Variants in ARL15 observed in about 807,000 individuals in gnomAD.
ARL15 encodes the protein ARF like GTPase 15.
A neutral mutation model predicts 25.2 loss-of-function variants in ARL15; 19 were observed. That is an observed-to-expected ratio of 0.75 (90% confidence interval 0.53 to 1.10). ARL15 has a LOEUF of 1.10. ARL15 is among the 50% of genes least tolerant of loss of function. ARL15 has a pLI of 0.00. For missense variants in ARL15, 220 were observed against 246.0 expected (o/e 0.89, Z 0.71); for synonymous variants, 94 against 86.8 (o/e 1.08, Z -0.46).
At position 54,153,268 on chromosome 5, in the gene ARL15, T is replaced by A. The variant is rs31126; in HGVS notation, c.253+1312A>T. 2.6e-5 allele frequency among the ~76,000 whole-genome samples: 4 copies of A among 152,280 alleles called. No individual in the cohort carries two copies. The East Asian group carries it at 7.7e-4, about 29-fold the overall frequency. On this transcript the variant is annotated intron_variant, in intron 3 of 4. Transcript: ENST00000504924. The stretch of plus-strand genomic sequence containing the variant: ...CTGGAAATTTTAAATAGGAGAAAGA[T>A]TATTTTGTTTCATTTGAATGTTCTG...
intron 4 of ARL15, chr5:53,887,517 C>A: frequency 1.7e-6 from 1 of 595,008 alleles, no homozygotes; most frequent in Non-Finnish European, 3.0e-6. Flanking sequence ...CAATTCCTGG[C>A]TGTGAATAAA....
chr5:54,179,621 G>T (rs1238549515), intron 1 of ARL15, among the ~76,000 whole-genome samples: 1 of 152,094 alleles, frequency 6.6e-6, no homozygotes, highest in African/African-American at 2.4e-5. Flanking sequence ...GACTGGGATG[G>T]AAGAAAAGGG....
intron 4 of ARL15, among the ~76,000 whole-genome samples, chr5:53,995,305 A>G (rs1001277463): frequency 3.1e-5 from 3 of 97,868 alleles, no homozygotes; most frequent in Non-Finnish European, 6.4e-5. Flanking sequence ...CTCCGTCACA[A>G]AAAAAAAAAA....
At chr5:54,274,851 G>A (rs993838897) in intron 1 of ARL15, among the ~76,000 whole-genome samples, 4 of 151,936 alleles carry the variant, frequency 2.6e-5, no homozygotes, top group South Asian at 2.1e-4. Context: ...CCCAGATTGC[G>A]CCACTACACT....
chr5:53,888,563 C>T (rs1994651), intron 4 of ARL15, among the ~76,000 whole-genome samples: 27,568 of 152,124 alleles, frequency 0.18, 2,526 homozygotes, highest in South Asian at 0.23. Context: ...GGATTACAGG[C>T]GTGAGCTACC....
intron 1 of ARL15, chr5:54,286,399 A>G (rs185500441): frequency 2.8e-4 from 43 of 152,352 alleles, no homozygotes; most frequent in African/African-American, 9.6e-4. Flanking sequence ...TAAGAGTTCA[A>G]TCAGTATTCA....
intron 4 of ARL15, among the ~76,000 whole-genome samples, chr5:54,049,168 A>G (rs1750629501): frequency 6.6e-6 from 1 of 152,132 alleles, no homozygotes; most frequent in Non-Finnish European, 1.5e-5. Flanking sequence ...GTAACTGCCT[A>G]TAATGTCTAC....
At chr5:54,136,170 A>G (rs539347742) in intron 3 of ARL15, among the ~76,000 whole-genome samples, 1 of 152,318 alleles carries the variant, frequency 6.6e-6, no homozygotes, top group African/African-American at 2.4e-5. Flanking sequence ...TCCCAGATTC[A>G]TTGACTCATT....
intron 4 of ARL15, among the ~76,000 whole-genome samples, chr5:53,962,976 A>C (rs1173970866): frequency 6.6e-6 from 1 of 152,194 alleles, no homozygotes; most frequent in Non-Finnish European, 1.5e-5. Flanking sequence ...GAGGTAATGA[A>C]AACATTTAGT....
At chr5:53,955,538 C>T (rs1747118502) in intron 4 of ARL15, among the ~76,000 whole-genome samples, 1 of 152,174 alleles carries the variant, frequency 6.6e-6, no homozygotes, top group Admixed American at 6.5e-5. Flanking sequence ...TAGGCACCTC[C>T]AAGTGCCCCA....
chr5:54,196,067 G>C (rs1554046795), intron 1 of ARL15, among the ~76,000 whole-genome samples: 1 of 152,092 alleles, frequency 6.6e-6, no homozygotes, highest in Non-Finnish European at 1.5e-5. Context: ...TGTCAGCATA[G>C]AATTCTATTG....
At chr5:54,159,237 T>C (rs1347389924) in intron 2 of ARL15, among the ~76,000 whole-genome samples, 1 of 152,190 alleles carries the variant, frequency 6.6e-6, no homozygotes, top group Non-Finnish European at 1.5e-5. Flanking sequence ...AGGTACATTT[T>C]GTAGAAATAA....
At chr5:54,136,360 T>C (rs1460552048) in intron 3 of ARL15, among the ~76,000 whole-genome samples, 1 of 152,214 alleles carries the variant, frequency 6.6e-6, no homozygotes, top group Admixed American at 6.5e-5. Flanking sequence ...CAAAAGTGAA[T>C]TAAAATGTGA....
At chr5:54,245,440 A>T (rs1408593794) in intron 1 of ARL15, among the ~76,000 whole-genome samples, 1 of 152,302 alleles carries the variant, frequency 6.6e-6, no homozygotes, top group East Asian at 1.9e-4. Flanking sequence ...AGACAATCTG[A>T]TGTATTAACA....
chr5:54,210,853 C>T (rs1266550798), intron 1 of ARL15, among the ~76,000 whole-genome samples: 1 of 152,212 alleles, frequency 6.6e-6, no homozygotes, highest in Non-Finnish European at 1.5e-5. Flanking sequence ...GAAGTTAATT[C>T]AGTTGACAAA....
At chr5:54,057,733 C>T (rs1480021791) in intron 4 of ARL15, among the ~76,000 whole-genome samples, 1 of 152,068 alleles carries the variant, frequency 6.6e-6, no homozygotes, top group Non-Finnish European at 1.5e-5. Context: ...GAGCTACCTC[C>T]AGCTACTCTG....
chr5:54,113,537 G>C (rs1002026402), intron 3 of ARL15, 127 bp from the exon 4 acceptor site: 2 of 840,598 alleles, frequency 2.4e-6, no homozygotes, highest in African/African-American at 3.4e-5. Flanking sequence ...CTGTGGTATG[G>C]ATTAAAACAG....
At position 54,176,211 on chromosome 5, in the gene ARL15, T is replaced by C. The variant is rs928417568; in HGVS notation, c.49-4283A>G. Among the ~76,000 whole-genome samples, 9 of 152,328 alleles carry C rather than the reference T, an allele frequency of 5.9e-5. 1 individual carries two copies. The South Asian group carries it at 1.4e-3, about 25-fold the overall frequency. On this transcript the variant is annotated intron_variant, in intron 1 of 4. Coordinates refer to ENST00000504924, the MANE Select transcript of ARL15 (RefSeq NM_019087.3). The stretch of plus-strand genomic sequence containing the variant: ...ACTTAATGGCTAGATTGATAGTTAT[T>C]ACAAGGCAAAATCTTTGACATAAAT...
chr5:54,150,609 C>T lies in ARL15; in HGVS notation c.253+3971G>A, dbSNP rs147341628. Among the ~76,000 whole-genome samples the T allele has an allele frequency of 5.7e-4, 87 of 152,084 alleles. No homozygotes were observed. In the East Asian group the frequency reaches 0.012, roughly 21 times the overall value. Reference sequence around the variant, plus strand: ...GGTCAGGAGTTCGAGACCAGCCTGGCCAACATGGCGAAACCTTGTCTCTAC... The same window carrying T: ...GGTCAGGAGTTCGAGACCAGCCTGGTCAACATGGCGAAACCTTGTCTCTAC... On this transcript the variant is annotated intron_variant, in intron 3 of 4. Coordinates refer to ENST00000504924, the MANE Select transcript of ARL15 (RefSeq NM_019087.3).
Sources: gnomAD v4.1 joint callset for allele counts (sites outside exome capture counted in the v4.1 genomes callset) on GRCh38, gnomAD v4.1.1 for gene constraint, MANE v1.5 for transcripts, NCBI Gene and HGNC (gene_info 2026-07-23, HGNC 2026-07-21) for gene names.